ST3GAL3: variants seen among roughly 807,000 people sequenced by gnomAD.
ST3GAL3 encodes the protein CMP-N-acetylneuraminate-beta-1,4-galactoside alpha-2,3-sialyltransferase.
In ST3GAL3, 21 loss-of-function variants were observed where a neutral mutation model predicts 50.1. That is an observed-to-expected ratio of 0.42 (90% CI 0.30 to 0.60). The LOEUF is 0.60. Among genes scored for constraint, ST3GAL3 ranks in the 20% least tolerant of loss-of-function variants. The pLI is 0.19. For synonymous variants in ST3GAL3, 183 were observed against 190.0 expected (o/e 0.96, Z 0.30); for missense variants, 353 against 489.4 (o/e 0.72, Z 2.63).
intron 5 of ST3GAL3, among the ~76,000 whole-genome samples, chr1:43,884,637 C>T (rs985646343): frequency 6.6e-6 from 1 of 152,216 alleles, no homozygotes; most frequent in African/African-American, 2.4e-5. Flanking sequence ...GGATGACAGT[C>T]TCACCTTGTG....
intron 1 of ST3GAL3, among the ~76,000 whole-genome samples, chr1:43,732,450 C>T (rs1279093291): frequency 6.6e-6 from 1 of 152,208 alleles, no homozygotes; most frequent in Non-Finnish European, 1.5e-5. Context: ...TTGCTGGGCT[C>T]CAGTGACACC....
intron 3 of ST3GAL3, among the ~76,000 whole-genome samples, chr1:43,813,741 G>A (rs978949046): frequency 2.0e-5 from 3 of 152,056 alleles, no homozygotes; most frequent in African/African-American, 7.2e-5. Context: ...TGAGTTCCTC[G>A]AAAGCTTTGC....
chr1:43,787,302 A>T (rs1355337366), intron 2 of ST3GAL3, among the ~76,000 whole-genome samples: 3 of 152,226 alleles, frequency 2.0e-5, no homozygotes, highest in Admixed American at 1.3e-4. Flanking sequence ...GAGAGGGAGA[A>T]GTCTGGATAT....
chr1:43,923,458 A>G (rs1420654730), intron 11 of ST3GAL3, among the ~76,000 whole-genome samples: 1 of 152,132 alleles, frequency 6.6e-6, no homozygotes, highest in Non-Finnish European at 1.5e-5. Flanking sequence ...CTTTTAAACA[A>G]CAGAAATTCA....
intron 2 of ST3GAL3, among the ~76,000 whole-genome samples, chr1:43,791,416 TTTGA>T (rs3082973): frequency 0.19 from 28,231 of 150,476 alleles, 3,291 homozygotes; most frequent in African/African-American, 0.32. Flanking sequence ...TTATTGGACA[TTTGA>T]TTGAATGAAT....
chr1:43,861,980 A>G (rs2070068115), intron 5 of ST3GAL3, among the ~76,000 whole-genome samples: 1 of 151,912 alleles, frequency 6.6e-6, no homozygotes, highest in Non-Finnish European at 1.5e-5. Context: ...GTGAGCCAAG[A>G]TCACGCCATT....
intron 2 of ST3GAL3, among the ~76,000 whole-genome samples, chr1:43,765,796 CGCGCGTCCGCGCGT>C (rs1558203906): frequency 6.9e-6 from 1 of 145,810 alleles, no homozygotes; most frequent in African/African-American, 2.8e-5. Flanking sequence ...CGCGCGCGCG[CGCGCGTCCGCGCGT>C]CCGCGTGCGC....
At chr1:43,806,931 T>C (rs1443664468) in intron 3 of ST3GAL3, among the ~76,000 whole-genome samples, 1 of 152,214 alleles carries the variant, frequency 6.6e-6, no homozygotes, top group Non-Finnish European at 1.5e-5. Flanking sequence ...GTTCAAGCGA[T>C]CTGCCTGCCT....
At chr1:43,906,157 C>T (rs1220579701) in intron 9 of ST3GAL3, among the ~76,000 whole-genome samples, 1 of 131,106 alleles carries the variant, frequency 7.6e-6, no homozygotes, top group Non-Finnish European at 1.6e-5. Context: ...TCCTCCCCCT[C>T]CTCCTGTTCC....
At chr1:43,888,149 T>C (rs1329164789) in intron 5 of ST3GAL3, among the ~76,000 whole-genome samples, 1 of 152,208 alleles carries the variant, frequency 6.6e-6, no homozygotes, top group Non-Finnish European at 1.5e-5. Context: ...GTTAGTCATA[T>C]GGAACTAGAT....
chr1:43,844,670 G>A (rs2065940590), intron 5 of ST3GAL3, among the ~76,000 whole-genome samples: 1 of 152,040 alleles, frequency 6.6e-6, no homozygotes, highest in South Asian at 2.1e-4. Context: ...AAATTAGCCG[G>A]GCGTGGTGGC....
chr1:43,905,820 C>T (rs1279271369), intron 9 of ST3GAL3, among the ~76,000 whole-genome samples: 8 of 131,248 alleles, frequency 6.1e-5, no homozygotes, highest in Non-Finnish European at 1.1e-4. Flanking sequence ...TCCTGTTTCT[C>T]TTCCTACCAC....
chr1:43,749,187 A>G (rs1045272674), intron 2 of ST3GAL3, among the ~76,000 whole-genome samples: 2 of 152,238 alleles, frequency 1.3e-5, no homozygotes, highest in Admixed American at 6.5e-5. Context: ...ACCTCACACC[A>G]TATACAAAAA....
At chr1:43,796,832 G>C (rs2058734088) in intron 3 of ST3GAL3, among the ~76,000 whole-genome samples, 1 of 152,196 alleles carries the variant, frequency 6.6e-6, no homozygotes, top group South Asian at 2.1e-4. Flanking sequence ...TGATAAAAAT[G>C]CTCCCCAAAG....
chr1:43,850,775 T>G (rs1287685429), intron 5 of ST3GAL3: 2 of 853,744 alleles, frequency 2.3e-6, no homozygotes, highest in African/African-American at 3.3e-5. Flanking sequence ...GCTGATAAAC[T>G]TCAAATTCCA....
intron 2 of ST3GAL3, among the ~76,000 whole-genome samples, chr1:43,781,419 G>A (rs982655543): frequency 6.6e-6 from 1 of 151,982 alleles, no homozygotes; most frequent in African/African-American, 2.4e-5. Context: ...AAACCAGCCT[G>A]GGCAACATGG....
Position 43,899,491 on chromosome 1 carries a change from G to C in ST3GAL3, c.558-50G>C, listed in dbSNP as rs368131494. ...ATGCCTGGGATAGTCTGGGGTCATG[G>C]TGCCTTCCCAAACACAGGCCCAGGC... On this transcript the variant is annotated intron_variant, in intron 8 of 11. Transcript: ENST00000347631. This position sits in a 1 kb window ranked among gnomAD's most constrained non-coding sequence, Gnocchi z 5.4. The C allele has an allele frequency of 3.7e-6, 6 of 1,606,428 alleles. No homozygotes were observed. In the African/African-American group the frequency reaches 8.0e-5, roughly 21 times the overall value.
intron 1 of ST3GAL3, among the ~76,000 whole-genome samples, chr1:43,717,719 G>A (rs1054865825): frequency 6.6e-6 from 1 of 151,692 alleles, no homozygotes; most frequent in African/African-American, 2.4e-5. Flanking sequence ...TGTTGCCCAG[G>A]CTGGTCTCAA....
chr1:43,920,732 C>A (rs374293899), intron 10 of ST3GAL3, 50 bp from the exon 11 acceptor site: 55 of 1,613,598 alleles, frequency 3.4e-5, no homozygotes, highest in Non-Finnish European at 4.3e-5. Flanking sequence ...TGTCCCAGCC[C>A]TCCAGCTGAA....
Sources: gnomAD v4.1 joint callset for allele counts (sites outside exome capture counted in the v4.1 genomes callset) on GRCh38, gnomAD v4.1.1 for gene constraint, Gnocchi (gnomAD v3.1) non-coding constraint, MANE v1.5 for transcripts, NCBI Gene and HGNC (gene_info 2026-07-23, HGNC 2026-07-21) for gene names.